The following MFSD8 variants were observed in gnomAD, a reference collection of about 807,000 sequenced individuals.
MFSD8 encodes major facilitator superfamily domain-containing protein 8.
MFSD8 carries 55 observed loss-of-function variants against 66.4 expected under a neutral mutation model. The ratio of observed to expected loss-of-function variants is 0.83; its 90% CI spans 0.67 to 1.04. The LOEUF is 1.04. MFSD8 is among the 50% of genes least tolerant of loss of function. The probability of loss-of-function intolerance (pLI) is 0.00; values close to 1 mark genes in which losing one functional copy is unlikely to be tolerated. For missense variants in MFSD8, 550 were observed against 627.6 expected (o/e 0.88, Z 1.32); for synonymous variants, 202 against 212.8 (o/e 0.95, Z 0.44).
Position 127,920,337 on chromosome 4 carries a change from A to G in MFSD8, c.*293T>C, listed in dbSNP as rs1293115856. On this transcript the variant is annotated 3_prime_UTR_variant, in exon 12 of 12. Transcript: ENST00000641686. ...GTGGGTATTAAGAATACAGCTTCAC[A>G]TTTATTCATCATTGTCCATTCACTC... 1 of 403,530 alleles carries G rather than the reference A, an allele frequency of 2.5e-6. No homozygotes were observed. The highest frequency in any genetic ancestry group is 2.1e-5 in the African/African-American group (1 of 48,696). The allele number at this position is 403,530 out of a possible 1,614,324, so 25.0% of individuals were successfully genotyped here.
At chr4:127,939,739 C>CT in intron 6 of MFSD8, 114 bp downstream of exon 6, 1 of 1,107,032 alleles carries the variant, frequency 9.0e-7, no homozygotes, top group Non-Finnish European at 1.2e-6. Context: ...TATAAACAAA[C>CT]TATAGACATA....
At chr4:127,963,605 G>T (rs1048176406) in intron 1 of MFSD8, among the ~76,000 whole-genome samples, 1 of 152,078 alleles carries the variant, frequency 6.6e-6, no homozygotes, top group African/African-American at 2.4e-5. Flanking sequence ...AAGGCGGCGC[G>T]TCTGGAGTTG....
Position 127,942,985 on chromosome 4 carries a change from G to A in MFSD8, c.439+767C>T, listed in dbSNP as rs542084539. Among the ~76,000 whole-genome samples, 457 of 152,210 alleles carry A rather than the reference G, an allele frequency of 3.0e-3. 4 individuals are homozygous for A. The highest frequency in any genetic ancestry group is 0.011 in the African/African-American group (439 of 41,532). On this transcript the variant is annotated intron_variant, in intron 4 of 11. Coordinates refer to ENST00000641686, the MANE Select transcript of MFSD8 (RefSeq NM_001371596.2). The stretch of plus-strand genomic sequence containing the variant: ...TGTAATCCCAGCACTTTGGGAGGCC[G>A]AGGCGAGTGGATCACGAGGTCAGGA...
intron 4 of MFSD8, among the ~76,000 whole-genome samples, chr4:127,942,853 A>C (rs937218516): frequency 6.6e-6 from 1 of 152,184 alleles, no homozygotes; most frequent in African/African-American, 2.4e-5. Flanking sequence ...ATTTTCATTG[A>C]GTACATTACA....
At chr4:127,950,653 A>C (rs1221109925) in intron 2 of MFSD8, among the ~76,000 whole-genome samples, 1 of 152,098 alleles carries the variant, frequency 6.6e-6, no homozygotes, top group Non-Finnish European at 1.5e-5. Context: ...ACATCGCACC[A>C]CTGCACTCCA....
At chr4:127,942,748 T>C (rs558679494) in intron 4 of MFSD8, among the ~76,000 whole-genome samples, 2 of 151,998 alleles carry the variant, frequency 1.3e-5, no homozygotes, top group Admixed American at 1.3e-4. Context: ...ACTACAACTG[T>C]TTTTAAAAGA....
At position 127,919,308 on chromosome 4, in the gene MFSD8, G is replaced by A. The variant is rs1736100840; in HGVS notation, c.*1322C>T. On this transcript the variant is annotated 3_prime_UTR_variant, in exon 12 of 12. Transcript: ENST00000641686. ...TCCTGCCTTGGCCTTCCAAAGTGCT[G>A]GGATTACAGGCATGAGACACTGCAC... The A allele has an allele frequency of 6.6e-6, 1 of 152,152 alleles. No individual in the cohort carries two copies. Among genetic ancestry groups the A allele is most frequent in the African/African-American group, 2.4e-5 (1 of 41,440 alleles). The allele number at this position is 152,152 out of a possible 1,614,324, so 9.4% of individuals were successfully genotyped here.
intron 5 of MFSD8, among the ~76,000 whole-genome samples, chr4:127,941,343 T>C (rs1740153986): frequency 6.6e-6 from 1 of 152,186 alleles, no homozygotes; most frequent in Non-Finnish European, 1.5e-5. Context: ...ACTGATAATA[T>C]TCATAACTTC....
chr4:127,928,378 C>CA (rs1241926968), intron 9 of MFSD8, among the ~76,000 whole-genome samples: 2 of 152,144 alleles, frequency 1.3e-5, no homozygotes, highest in Non-Finnish European at 2.9e-5. Context: ...CTTGGCCTCC[C>CA]AAAATGCTGG....
At chr4:127,933,330 G>T in intron 7 of MFSD8, 1 of 371,066 alleles carries the variant, frequency 2.7e-6, no homozygotes, top group Non-Finnish European at 5.0e-6. Flanking sequence ...CTGCAGCCTT[G>T]ACCTCCCCAG....
intron 4 of MFSD8, 135 bp downstream of exon 4, chr4:127,943,615 ATT>A: frequency 9.6e-7 from 1 of 1,045,336 alleles, no homozygotes; most frequent in Non-Finnish European, 1.4e-6. Flanking sequence ...TAAGAAAAAT[ATT>A]TGTTTACAAT....
At chr4:127,938,609 A>AAATG (rs1739549823) in intron 7 of MFSD8, among the ~76,000 whole-genome samples, 174 bp downstream of exon 7, 2 of 140,192 alleles carry the variant, frequency 1.4e-5, no homozygotes, top group Non-Finnish European at 3.0e-5. Flanking sequence ...ATAAATAAAT[A>AAATG]AATAAATAAA....
chr4:127,949,203 G>A (rs1328974888), intron 3 of MFSD8, among the ~76,000 whole-genome samples: 1 of 152,188 alleles, frequency 6.6e-6, no homozygotes, highest in Non-Finnish European at 1.5e-5. Context: ...GATGAATTAT[G>A]TAACCAACTT....
chr4:127,958,516 A>G (rs1289884236), intron 1 of MFSD8, among the ~76,000 whole-genome samples: 1 of 152,158 alleles, frequency 6.6e-6, no homozygotes, highest in African/African-American at 2.4e-5. Flanking sequence ...AAGAAGAGAA[A>G]CAATGTTTTT....
rs191963842 is a variant in MFSD8 at position 127,948,479 on chromosome 4, T to C, written c.198+1325A>G. Reference sequence around the variant, plus strand: ...TGGCCCTCTTCCAAGTGTACTTTCCTTCTTTTCCTTCCTTTCATTCTTGCT... The same window carrying C: ...TGGCCCTCTTCCAAGTGTACTTTCCCTCTTTTCCTTCCTTTCATTCTTGCT... On this transcript the variant is annotated intron_variant, in intron 3 of 11. Coordinates refer to ENST00000641686, the MANE Select transcript of MFSD8 (RefSeq NM_001371596.2). 3.3e-5 allele frequency among the ~76,000 whole-genome samples: 5 copies of C among 152,350 alleles called. No homozygotes were observed. The East Asian group carries it at 9.6e-4, about 29-fold the overall frequency.
At chr4:127,962,399 C>T (rs1743934345) in intron 1 of MFSD8, among the ~76,000 whole-genome samples, 1 of 152,058 alleles carries the variant, frequency 6.6e-6, no homozygotes, top group Non-Finnish European at 1.5e-5. Flanking sequence ...ACCTGGGAGG[C>T]AGAGGTGGCA....
chr4:127,938,633 A>AAATT, intron 7 of MFSD8, 150 bp downstream of exon 7: 2 of 302,868 alleles, frequency 6.6e-6, no homozygotes, highest in Non-Finnish European at 6.2e-6. Context: ...ATAAATAAAT[A>AAATT]AATTTAGGTC....
At position 127,920,586 on chromosome 4, in the gene MFSD8, G is replaced by T. The variant is rs763024313; in HGVS notation, c.*44C>A. The stretch of plus-strand genomic sequence containing the variant: ...ATTGTCTAGCAGAGCTTTAGACCAG[G>T]AAGTGCCACACAGCAAGTAGTTTCC... On this transcript the variant is annotated 3_prime_UTR_variant, in exon 12 of 12. Coordinates refer to ENST00000641686, the MANE Select transcript of MFSD8 (RefSeq NM_001371596.2). 3.1e-6 allele frequency: 5 copies of T among 1,594,964 alleles called. No individual in the cohort carries two copies. The highest frequency in any genetic ancestry group is 1.7e-5 in the Admixed American group (1 of 59,950).
intron 11 of MFSD8, 139 bp from the exon 12 acceptor site, chr4:127,920,975 G>C (rs1366034320): frequency 1.3e-6 from 1 of 782,198 alleles, no homozygotes; most frequent in Non-Finnish European, 2.0e-6. Context: ...AACATAAAAT[G>C]CCTCCTATAA....
Sources: gnomAD v4.1 joint callset for allele counts (sites outside exome capture counted in the v4.1 genomes callset) on GRCh38, gnomAD v4.1.1 for gene constraint, MANE v1.5 for transcripts, NCBI Gene and HGNC (gene_info 2026-07-23, HGNC 2026-07-21) for gene names.